The following CEP120 variants were observed in gnomAD, a reference collection of about 807,000 sequenced individuals.
The protein encoded by CEP120 is centrosomal protein of 120 kDa.
CEP120 carries 113 observed loss-of-function variants against 126.5 expected under a neutral mutation model. The observed-to-expected ratio is 0.89, with a 90% CI of 0.77 to 1.04. The LOEUF is 1.04. Among genes scored for constraint, CEP120 ranks in the 50% least tolerant of loss-of-function variants. The pLI is 0.00. For synonymous variants in CEP120, 400 were observed against 394.3 expected, an observed-to-expected ratio of 1.01 and a Z score of -0.17; for missense variants, 1,230 against 1,155.7, an observed-to-expected ratio of 1.06 and a Z score of -0.93.
At chr5:123,395,674 T>G (rs1367068814) in intron 5 of CEP120, among the ~76,000 whole-genome samples, 1 of 147,624 alleles carries the variant, frequency 6.8e-6, no homozygotes, top group Non-Finnish European at 1.5e-5. Context: ...GTATCAGTAC[T>G]TCATTCCTTT....
chr5:123,410,403 T>C (rs374511165), intron 4 of CEP120, among the ~76,000 whole-genome samples: 1 of 152,154 alleles, frequency 6.6e-6, no homozygotes, highest in African/African-American at 2.4e-5. Flanking sequence ...AGAAAAAGAA[T>C]AGAGTCAGAG....
intron 4 of CEP120, chr5:123,401,923 T>C (rs2127098664): frequency 6.5e-7 from 1 of 1,548,568 alleles, no homozygotes; most frequent in Non-Finnish European, 8.8e-7. Flanking sequence ...ATGTAGCTCT[T>C]GAACATGTTG....
At chr5:123,382,298 G>C in intron 13 of CEP120, 98 bp from the exon 14 acceptor site, 1 of 300,204 alleles carries the variant, frequency 3.3e-6, no homozygotes, top group Non-Finnish European at 6.1e-6. Context: ...TCACTAATAT[G>C]ATTTTTTCAG....
chr5:123,366,470 C>T (rs928176523), intron 17 of CEP120, among the ~76,000 whole-genome samples: 7 of 151,896 alleles, frequency 4.6e-5, no homozygotes, highest in Non-Finnish European at 5.9e-5. Context: ...TAAAATTCAC[C>T]GGTTTCCAAT....
At position 123,399,315 on chromosome 5, in the gene CEP120, T is replaced by C. The variant is rs200095068; in HGVS notation, c.464-31A>G. The C allele has an allele frequency of 2.0e-5, 32 of 1,595,312 alleles. No homozygotes were observed. The African/African-American group carries it at 3.8e-4, about 19-fold the overall frequency. On this transcript the variant is annotated intron_variant, in intron 4 of 19. Coordinates refer to ENST00000306467, the MANE Select transcript of CEP120 (RefSeq NM_001375405.1). ...CAGAGAAAAACACGATTAAACTACA[T>C]TGTAGTTTGTCATAAACCATTATAA...
chr5:123,364,477 TAAGCTATAAA>T lies in CEP120; in HGVS notation c.2580+9_2580+18del. 1 of 1,507,270 alleles carries T rather than the reference TAAGCTATAAA, an allele frequency of 6.6e-7. No homozygotes were observed. The highest frequency in any genetic ancestry group is 9.1e-7 in the Non-Finnish European group (1 of 1,102,860). 93.4% of individuals were successfully genotyped at this position (1,507,270 alleles called of 1,614,324 possible). Reference sequence around the variant, plus strand: ...ACAAGGGAAAAAGATATAAAAAGAATAAGCTATAAACTACATACCTGTTTAAGTCTGGCAA... The same window carrying T: ...ACAAGGGAAAAAGATATAAAAAGAATCTACATACCTGTTTAAGTCTGGCAA... On this transcript the variant is annotated intron_variant, in intron 18 of 19. Coordinates refer to ENST00000306467, the MANE Select transcript of CEP120 (RefSeq NM_001375405.1).
rs571222662 is a variant in CEP120, at chr5:123,378,289, AT to A, written c.2196+46del. 6.5e-5 allele frequency: 92 copies of A among 1,414,888 alleles called. No homozygotes were observed. The African/African-American group carries it at 1.2e-3, about 18-fold the overall frequency. 87.6% of individuals were successfully genotyped at this position (1,414,888 alleles called of 1,614,324 possible). On this transcript the variant is annotated intron_variant, in intron 15 of 19. Coordinates refer to ENST00000306467, the MANE Select transcript of CEP120 (RefSeq NM_001375405.1). ...TTTAAAATAGTATTTCTACTTTGCAATAAACCCCTCTATGCTGAAAAAAAAT... is the reference window on the plus strand; with the variant it reads ...TTTAAAATAGTATTTCTACTTTGCAAAAACCCCTCTATGCTGAAAAAAAAT...
At chr5:123,348,836 G>A (rs1054751039) in intron 19 of CEP120, among the ~76,000 whole-genome samples, 2 of 152,130 alleles carry the variant, frequency 1.3e-5, no homozygotes, top group Admixed American at 1.3e-4. Flanking sequence ...CTCCTAAGAA[G>A]AGACACCAGA....
intron 6 of CEP120, 87 bp from the exon 7 acceptor site, chr5:123,391,424 G>T (rs1392754992): frequency 9.6e-7 from 1 of 1,044,468 alleles, no homozygotes; most frequent in Non-Finnish European, 1.4e-6. Flanking sequence ...GTTGTAAAAT[G>T]ATGCATGGAA....
intron 4 of CEP120, chr5:123,400,818 A>C: frequency 2.5e-6 from 2 of 813,000 alleles, no homozygotes; most frequent in Admixed American, 1.8e-5. Flanking sequence ...GCTGAGCCTC[A>C]GGTGGGTCTC....
At chr5:123,377,656 T>G (rs1771334627) in intron 15 of CEP120, 121 bp from the exon 16 acceptor site, 1 of 775,224 alleles carries the variant, frequency 1.3e-6, no homozygotes, top group Non-Finnish European at 2.0e-6. Flanking sequence ...TTTTCATATC[T>G]TTTTTAGTTA....
chr5:123,401,600 A>G (rs1773245904), intron 4 of CEP120: 3 of 1,414,220 alleles, frequency 2.1e-6, no homozygotes, highest in African/African-American at 1.4e-5. Flanking sequence ...GCTGTTGTCC[A>G]TGGACAGCAC....
At chr5:123,405,909 A>AT (rs1355728701) in intron 4 of CEP120, among the ~76,000 whole-genome samples, 23 of 152,330 alleles carry the variant, frequency 1.5e-4, no homozygotes, top group African/African-American at 5.0e-4. Flanking sequence ...AACAGAAAAA[A>AT]TTTTTAACTA....
chr5:123,412,344 C>G, intron 4 of CEP120, 55 bp downstream of exon 4: 1 of 1,544,256 alleles, frequency 6.5e-7, no homozygotes, highest in Non-Finnish European at 8.7e-7. Flanking sequence ...CTTCCTAAAG[C>G]TCTAGTCCAA....
At position 123,378,341 on chromosome 5, in the gene CEP120, A is replaced by T. The variant is rs1562032262; in HGVS notation, c.2191T>A (p.Ser731Thr). 1.2e-6 allele frequency: 2 copies of T among 1,601,790 alleles called. No individual in the cohort carries two copies. Among genetic ancestry groups the T allele is most frequent in the Non-Finnish European group, 1.7e-6 (2 of 1,175,494 alleles). ...ACAATGGACGAATGACATACCTCTG[A>T]TTCCACACTAGCAAGCTGCTGCTCT... ...KREQQLASVE[S>T]ELQREKKELQ... Residue 731 changes from serine to threonine, a missense_variant, in exon 15 of 20, where the codon TCA (serine) becomes ACA (threonine). Transcript: ENST00000306467.
intron 4 of CEP120, among the ~76,000 whole-genome samples, chr5:123,410,978 A>T (rs1774019971): frequency 6.6e-6 from 1 of 152,218 alleles, no homozygotes; most frequent in African/African-American, 2.4e-5. Flanking sequence ...GAACTCTTAA[A>T]ATTCAACAAG....
chr5:123,360,597 G>A (rs941177153), intron 18 of CEP120, among the ~76,000 whole-genome samples: 2 of 150,334 alleles, frequency 1.3e-5, no homozygotes, highest in Non-Finnish European at 3.0e-5. Context: ...CTGAATGTTT[G>A]TGATATTCTC....
chr5:123,422,626 C>G (rs1774794823), intron 1 of CEP120: 4 of 1,283,326 alleles, frequency 3.1e-6, no homozygotes, highest in African/African-American at 2.9e-5. Flanking sequence ...AACCGCTGAT[C>G]AGAACGCGCT....
At chr5:123,358,491 T>C (rs1179376223) in intron 18 of CEP120, 1 of 152,118 alleles carries the variant, frequency 6.6e-6, no homozygotes, top group Admixed American at 6.6e-5. Flanking sequence ...GTCTATGTTA[T>C]ATGGTGCTGC....
Sources: allele counts gnomAD v4.1 joint callset (sites outside exome capture counted in the v4.1 genomes callset), GRCh38; gene constraint gnomAD v4.1.1; transcripts MANE v1.5; gene names NCBI Gene and HGNC (gene_info 2026-07-23, HGNC 2026-07-21).